Variants in SLC25A21 observed in about 807,000 individuals in gnomAD.
SLC25A21 encodes the protein solute carrier family 25 member 21, also known as mitochondrial 2-oxodicarboxylate carrier.
SLC25A21 carries 47 observed loss-of-function variants against 43.8 expected under a neutral mutation model. That is an observed-to-expected ratio of 1.07 (90% CI 0.85 to 1.37). SLC25A21 has a LOEUF of 1.37. Ranked by LOEUF, SLC25A21 falls within the 40% of genes most tolerant of loss-of-function variation. The pLI is 0.00. For synonymous variants in SLC25A21, 131 were observed against 121.3 expected (o/e 1.08, Z -0.52); for missense variants, 352 against 350.2 (o/e 1.00, Z -0.04).
intron 3 of SLC25A21, among the ~76,000 whole-genome samples, chr14:36,783,262 G>A (rs1212470573): frequency 6.6e-6 from 1 of 151,672 alleles, no homozygotes; most frequent in Non-Finnish European, 1.5e-5. Flanking sequence ...CAGGGTTGGG[G>A]TGGGGAGTGA....
intron 1 of SLC25A21, among the ~76,000 whole-genome samples, chr14:36,985,911 G>A (rs1236263382): frequency 2.0e-5 from 3 of 152,096 alleles, no homozygotes; most frequent in Admixed American, 6.6e-5. Flanking sequence ...TTTGGTCAGT[G>A]AGAGTTCCTT....
At chr14:36,745,228 TTATCCAGTCTATTATTGACGGA>T (rs1885444955) in intron 3 of SLC25A21, among the ~76,000 whole-genome samples, 1 of 152,194 alleles carries the variant, frequency 6.6e-6, no homozygotes, top group African/African-American at 2.4e-5. Context: ...CACATTTTCT[TTATCCAGTCTATTATTGACGGA>T]TATTTGGGTT....
At chr14:36,888,248 T>C (rs1890979640) in intron 1 of SLC25A21, among the ~76,000 whole-genome samples, 1 of 152,218 alleles carries the variant, frequency 6.6e-6, no homozygotes, top group Admixed American at 6.5e-5. Context: ...TCTTTAACTT[T>C]GCTAATTGCA....
At chr14:36,871,998 T>G (rs975592532) in intron 2 of SLC25A21, among the ~76,000 whole-genome samples, 2 of 152,152 alleles carry the variant, frequency 1.3e-5, no homozygotes, top group Non-Finnish European at 2.9e-5. Context: ...CAGGCAATTT[T>G]GGGAAAACAA....
intron 3 of SLC25A21, among the ~76,000 whole-genome samples, chr14:36,799,065 A>G (rs140896395): frequency 1.3e-3 from 193 of 152,186 alleles, no homozygotes; most frequent in African/African-American, 4.5e-3. Flanking sequence ...CTGAATGAAT[A>G]CTCCCTTTGT....
At chr14:36,921,330 C>T (rs1446860456) in intron 1 of SLC25A21, among the ~76,000 whole-genome samples, 1 of 152,126 alleles carries the variant, frequency 6.6e-6, no homozygotes, top group African/African-American at 2.4e-5. Context: ...ATACAGAGTG[C>T]ATATATTGAG....
intron 1 of SLC25A21, chr14:37,098,618 A>G (rs186670762): frequency 1.3e-5 from 2 of 152,292 alleles, no homozygotes; most frequent in East Asian, 3.9e-4. Context: ...TCTGAATTGT[A>G]TAGTTCACAT....
At chr14:36,761,141 G>A (rs1489588196) in intron 3 of SLC25A21, among the ~76,000 whole-genome samples, 4 of 152,174 alleles carry the variant, frequency 2.6e-5, no homozygotes, top group African/African-American at 2.4e-5. Flanking sequence ...TCTCGTGAAA[G>A]GTTATCCGTG....
chr14:37,063,281 C>T (rs1436368819), intron 1 of SLC25A21, among the ~76,000 whole-genome samples: 1 of 152,072 alleles, frequency 6.6e-6, no homozygotes, highest in African/African-American at 2.4e-5. Flanking sequence ...GGGTGGATCA[C>T]TTGAGGTCAG....
intron 3 of SLC25A21, among the ~76,000 whole-genome samples, chr14:36,793,035 T>C (rs895225834): frequency 2.6e-5 from 4 of 152,164 alleles, no homozygotes; most frequent in African/African-American, 9.7e-5. Context: ...TGAAATGGCG[T>C]CTTATACTGG....
At chr14:36,718,949 G>A (rs140799480) in intron 6 of SLC25A21, among the ~76,000 whole-genome samples, 37 of 152,280 alleles carry the variant, frequency 2.4e-4, no homozygotes, top group African/African-American at 8.9e-4. Context: ...TATTTGGGGT[G>A]AGAATGATTA....
chr14:36,948,921 T>C (rs959345975), intron 1 of SLC25A21, among the ~76,000 whole-genome samples: 1 of 152,238 alleles, frequency 6.6e-6, no homozygotes, highest in Non-Finnish European at 1.5e-5. Context: ...ATTTGTCATA[T>C]ATGGTTTGCA....
Position 37,070,830 on chromosome 14 carries a change from C to A in SLC25A21, c.70+101451G>T, listed in dbSNP as rs140025906. ...AAGAAGGGCTTTGGGTGAAATGGTG[C>A]TTGTCAGTGAAGATAGGGTGCAGAG... On this transcript the variant is annotated intron_variant, in intron 1 of 9. Transcript: ENST00000331299. Among the ~76,000 whole-genome samples the A allele has an allele frequency of 1.3e-5, 2 of 152,226 alleles. 1 individual carries two copies. Among genetic ancestry groups the A allele is most frequent in the African/African-American group, 4.8e-5 (2 of 41,526 alleles).
chr14:37,127,546 G>A (rs549528447), intron 1 of SLC25A21, among the ~76,000 whole-genome samples: 3 of 152,236 alleles, frequency 2.0e-5, no homozygotes, highest in South Asian at 4.2e-4. Flanking sequence ...GCGAAAGCTC[G>A]AAAGAGTGTG....
intron 1 of SLC25A21, among the ~76,000 whole-genome samples, chr14:37,119,772 CTGG>C (rs1566894907): frequency 6.6e-6 from 1 of 152,106 alleles, no homozygotes; most frequent in African/African-American, 2.4e-5. Context: ...GAACCCCTTT[CTGG>C]TAACCATTTC....
At chr14:36,871,905 A>G (rs1374521820) in intron 2 of SLC25A21, among the ~76,000 whole-genome samples, 1 of 152,240 alleles carries the variant, frequency 6.6e-6, no homozygotes, top group Admixed American at 6.5e-5. Context: ...TAAAAATTAC[A>G]GGAAAAATTA....
intron 7 of SLC25A21, among the ~76,000 whole-genome samples, chr14:36,695,225 G>T (rs1429894224): frequency 6.6e-6 from 1 of 152,124 alleles, no homozygotes; most frequent in Non-Finnish European, 1.5e-5. Flanking sequence ...GGTTGTAGAT[G>T]TGTGGTGTTA....
intron 1 of SLC25A21, among the ~76,000 whole-genome samples, chr14:36,997,020 T>C (rs905506673): frequency 1.3e-5 from 2 of 152,020 alleles, no homozygotes; most frequent in Admixed American, 6.6e-5. Flanking sequence ...GCCCAAATCT[T>C]GGTGGGAGAG....
intron 1 of SLC25A21, among the ~76,000 whole-genome samples, chr14:36,959,906 T>C (rs1210258355): frequency 1.3e-5 from 2 of 152,206 alleles, no homozygotes; most frequent in African/African-American, 2.4e-5. Context: ...GAGTCCTCCT[T>C]CTGCTTCTTG....
Sources: allele counts gnomAD v4.1 joint callset (sites outside exome capture counted in the v4.1 genomes callset), GRCh38; gene constraint gnomAD v4.1.1; transcripts MANE v1.5; gene names NCBI Gene and HGNC (gene_info 2026-07-23, HGNC 2026-07-21).